Variants in ACOT7 observed in about 807,000 individuals in gnomAD.
ACOT7 encodes cytosolic acyl coenzyme A thioester hydrolase.
In ACOT7, 12 loss-of-function variants were observed where a neutral mutation model predicts 40.2. The ratio of observed to expected loss-of-function variants is 0.30; its 90% CI spans 0.19 to 0.48. ACOT7 has a LOEUF of 0.48. ACOT7 is among the 20% of genes least tolerant of loss of function. The pLI is 0.99. For missense variants in ACOT7, 395 were observed against 530.8 expected (o/e 0.74, Z 2.51); for synonymous variants, 228 against 219.5 (o/e 1.04, Z -0.34).
chr1:6,370,874 G>A (rs568862378), intron 1 of ACOT7, among the ~76,000 whole-genome samples: 2 of 151,620 alleles, frequency 1.3e-5, no homozygotes, highest in South Asian at 2.1e-4. Context: ...GCAGTGGTGC[G>A]ATCTCGGCTC....
intron 6 of ACOT7, among the ~76,000 whole-genome samples, chr1:6,316,672 T>G (rs1640505275): frequency 6.6e-6 from 1 of 152,084 alleles, no homozygotes; most frequent in Non-Finnish European, 1.5e-5. Context: ...TAGCCGAGTG[T>G]GGTGGCACGT....
intron 4 of ACOT7, among the ~76,000 whole-genome samples, chr1:6,331,434 C>T (rs1557654291): frequency 6.6e-6 from 1 of 152,230 alleles, no homozygotes; most frequent in Non-Finnish European, 1.5e-5. Flanking sequence ...CTGGAGACGC[C>T]AGGAGGGATC....
At chr1:6,382,359 G>A (rs1033583797) in intron 1 of ACOT7, among the ~76,000 whole-genome samples, 3 of 151,850 alleles carry the variant, frequency 2.0e-5, no homozygotes, top group Admixed American at 2.0e-4. Flanking sequence ...AGCCGAGATT[G>A]TGCCACCGCA....
rs1557630518 is a variant in ACOT7 at position 6,282,721 on chromosome 1, T to C, written c.830-1435A>G. On this transcript the variant is annotated intron_variant, in intron 7 of 8. Transcript: ENST00000361521. This position sits in a 1 kb window ranked among gnomAD's most constrained non-coding sequence, Gnocchi z 4.5. ...TCCATGCTACATTCAACTTCATACT[T>C]ACAGGGAGCACTTCGTGCCAGTGCT... 1.5e-6 allele frequency: 2 copies of C among 1,303,934 alleles called. No homozygotes were observed. The highest frequency in any genetic ancestry group is 1.0e-6 in the Non-Finnish European group (1 of 988,704). 80.8% of individuals were successfully genotyped at this position (1,303,934 alleles called of 1,614,324 possible). A position where few individuals can be genotyped will look rare whatever the true frequency, so the allele number is the denominator to read the frequency against.
intron 2 of ACOT7, among the ~76,000 whole-genome samples, chr1:6,342,456 AATT>A (rs1446584298): frequency 6.6e-6 from 1 of 152,118 alleles, no homozygotes; most frequent in Non-Finnish European, 1.5e-5. Context: ...TCCAATGTAA[AATT>A]ATTATCATTT....
At chr1:6,313,214 G>A (rs747281415) in intron 6 of ACOT7, among the ~76,000 whole-genome samples, 6 of 152,324 alleles carry the variant, frequency 3.9e-5, no homozygotes, top group East Asian at 3.9e-4. Flanking sequence ...TGCAAACTAC[G>A]TGATTTGCTA....
At chr1:6,365,364 A>G (rs1641981023) in intron 1 of ACOT7, among the ~76,000 whole-genome samples, 1 of 152,184 alleles carries the variant, frequency 6.6e-6, no homozygotes, top group South Asian at 2.1e-4. Flanking sequence ...TGCACTTTAT[A>G]ATAAGTCACA....
intron 7 of ACOT7, among the ~76,000 whole-genome samples, chr1:6,281,520 T>A (rs1639359958): frequency 6.6e-6 from 1 of 152,272 alleles, no homozygotes; most frequent in African/African-American, 2.4e-5. Context: ...AGGATTTTGG[T>A]GGCCATGAGT....
At chr1:6,339,306 G>A in intron 3 of ACOT7, 127 bp downstream of exon 3, 1 of 1,315,364 alleles carries the variant, frequency 7.6e-7, no homozygotes, top group Non-Finnish European at 1.1e-6. Context: ...GCCATGGTGG[G>A]AGGTGAGAGA....
intron 5 of ACOT7, among the ~76,000 whole-genome samples, chr1:6,322,182 A>G (rs1022732137): frequency 8.6e-6 from 1 of 115,974 alleles, no homozygotes; most frequent in African/African-American, 3.3e-5. Context: ...TGAGATCGCG[A>G]CCCTGCACGC....
At chr1:6,349,938 G>C (rs1641542625) in intron 1 of ACOT7, 72 bp from the exon 2 acceptor site, 3 of 1,469,784 alleles carry the variant, frequency 2.0e-6, no homozygotes, top group African/African-American at 2.8e-5. Flanking sequence ...AATCCAAGGA[G>C]GGGAGAAGGT....
rs1382270221 is a variant in ACOT7 at position 6,330,805 on chromosome 1, C to G, written c.510+2672G>C. Among the ~76,000 whole-genome samples, 2 of 152,306 alleles carry G rather than the reference C, an allele frequency of 1.3e-5. No individual in the cohort carries two copies. Among genetic ancestry groups the G allele is most frequent in the Admixed American group, 1.3e-4 (2 of 15,300 alleles). ...CTAAGCGACAAGGCAGCAAAAGTGA[C>G]TGTGTTCAGGTCCAGGCCCGCCCCT... On this transcript the variant is annotated intron_variant, in intron 4 of 8. Coordinates refer to ENST00000361521, the MANE Select transcript of ACOT7 (RefSeq NM_007274.4). The surrounding 1 kb of genome is among the most constrained non-coding windows in gnomAD (Gnocchi z 4.6).
intron 8 of ACOT7, 46 bp from the exon 9 acceptor site, chr1:6,264,741 C>A (rs1571249400): frequency 6.3e-7 from 1 of 1,593,630 alleles, no homozygotes; most frequent in East Asian, 2.3e-5. Context: ...CACTGCAGAA[C>A]CAGTGCCGTG....
At position 6,323,733 on chromosome 1, in the gene ACOT7, AAAAAATATATATATATAT is replaced by A. The variant is rs1445670842; in HGVS notation, c.625+3548_625+3565del. Among the ~76,000 whole-genome samples, 252 of 76,852 alleles carry A rather than the reference AAAAAATATATATATATAT, an allele frequency of 3.3e-3. 1 individual carries two copies. The highest frequency in any genetic ancestry group is 0.013 in the African/African-American group (233 of 17,808). The allele number at this position is 76,852 out of a possible 152,430, so 50.4% of individuals were successfully genotyped here. A position where few individuals can be genotyped will look rare whatever the true frequency, so the allele number is the denominator to read the frequency against. ...ACTTGTCTCAAAAAAAAAAAAAAAAAAAAAATATATATATATATATATATATATATATATATAGACAAA... is the reference window on the plus strand; with the variant it reads ...ACTTGTCTCAAAAAAAAAAAAAAAAAATATATATATATATATATAGACAAA... On this transcript the variant is annotated intron_variant, in intron 5 of 8. Coordinates refer to ENST00000361521, the MANE Select transcript of ACOT7 (RefSeq NM_007274.4).
chr1:6,340,373 G>A (rs531994364), intron 2 of ACOT7, among the ~76,000 whole-genome samples: 2 of 152,308 alleles, frequency 1.3e-5, no homozygotes, highest in Non-Finnish European at 2.9e-5. Context: ...GGGATCACCA[G>A]CTGCTTCTTC....
chr1:6,292,672 T>G (rs1035238067), intron 7 of ACOT7, among the ~76,000 whole-genome samples: 1 of 147,820 alleles, frequency 6.8e-6, no homozygotes, highest in Non-Finnish European at 1.5e-5. Flanking sequence ...TTTGTTTTTT[T>G]TTTGTTTTTT....
Position 6,352,899 on chromosome 1 carries a change from G to A in ACOT7, c.144-3033C>T, listed in dbSNP as rs1641634375. 6.6e-6 allele frequency among the ~76,000 whole-genome samples: 1 copy of A among 151,574 alleles called. No individual in the cohort carries two copies. The highest frequency in any genetic ancestry group is 1.5e-5 in the Non-Finnish European group (1 of 67,936). ...CTTTACTATTTTGTTTGTTTTTTGAGACAGCGTCTCATTCTGTCACCCAGG... is the reference window on the plus strand; with the variant it reads ...CTTTACTATTTTGTTTGTTTTTTGAAACAGCGTCTCATTCTGTCACCCAGG... On this transcript the variant is annotated intron_variant, in intron 1 of 8. Transcript: ENST00000361521. The surrounding 1 kb of genome is among the most constrained non-coding windows in gnomAD (Gnocchi z 4.5).
rs3838286 is a variant in ACOT7, at chr1:6,299,665, AGTGT to A, written c.713-4689_713-4686del. Among the ~76,000 whole-genome samples the A allele has an allele frequency of 2.3e-3, 345 of 148,532 alleles. No individual in the cohort carries two copies. Among genetic ancestry groups the A allele is most frequent in the East Asian group, 0.012 (62 of 5,010 alleles). On this transcript the variant is annotated intron_variant, in intron 6 of 8. Coordinates refer to ENST00000361521, the MANE Select transcript of ACOT7 (RefSeq NM_007274.4). The surrounding 1 kb of genome is among the most constrained non-coding windows in gnomAD (Gnocchi z 4.1). ...CAGAGAGAGAGAGAGAGAGAGCGCA[AGTGT>A]GTGTGTGTGTGTGTGTGTGTGTAGG... is the stretch of plus-strand genomic sequence containing the variant.
At chr1:6,277,067 C>T (rs539956072) in intron 8 of ACOT7, among the ~76,000 whole-genome samples, 38 of 152,256 alleles carry the variant, frequency 2.5e-4, no homozygotes, top group Non-Finnish European at 3.7e-4. Context: ...AGGTCACAGG[C>T]GCGGCCCCAA....
Sources: allele counts gnomAD v4.1 joint callset (sites outside exome capture counted in the v4.1 genomes callset), GRCh38; gene constraint gnomAD v4.1.1; non-coding constraint Gnocchi (gnomAD v3.1); transcripts MANE v1.5; gene names NCBI Gene and HGNC (gene_info 2026-07-23, HGNC 2026-07-21).